TMEM132C: variants seen among roughly 807,000 people sequenced by gnomAD.
TMEM132C encodes transmembrane protein 132C.
Under a neutral mutation model 61.4 loss-of-function variants are expected in TMEM132C, and 29 were observed. The observed-to-expected ratio is 0.47, with a 90% CI of 0.35 to 0.64. TMEM132C has a LOEUF of 0.64. TMEM132C is among the 30% of genes least tolerant of loss of function. TMEM132C has a pLI of 0.00. For synonymous variants in TMEM132C, 656 were observed against 633.1 expected (o/e 1.04, Z -0.54); for missense variants, 1,408 against 1,476.9 (o/e 0.95, Z 0.76).
intron 4 of TMEM132C, among the ~76,000 whole-genome samples, chr12:128,652,665 A>T (rs1219669794): frequency 6.6e-6 from 1 of 152,236 alleles, no homozygotes; most frequent in African/African-American, 2.4e-5. Context: ...GCATGGCCAC[A>T]CTTCCCAGCC....
At chr12:128,508,963 C>T (rs1423470600) in intron 2 of TMEM132C, among the ~76,000 whole-genome samples, 4 of 152,170 alleles carry the variant, frequency 2.6e-5, no homozygotes, top group Non-Finnish European at 5.9e-5. Context: ...AGAGGAAGGC[C>T]CATGACTGTT....
chr12:128,287,484 C>CATATCTATATCT (rs5801788), intron 1 of TMEM132C, among the ~76,000 whole-genome samples: 2,279 of 150,040 alleles, frequency 0.015, 33 homozygotes, highest in East Asian at 0.035. Flanking sequence ...CCTCTGTCTG[C>CATATCTATATCT]ATATCTATAT....
chr12:128,514,991 G>A (rs1043939656), intron 2 of TMEM132C, among the ~76,000 whole-genome samples: 4 of 152,224 alleles, frequency 2.6e-5, no homozygotes, highest in Non-Finnish European at 5.9e-5. Context: ...ACTACTTATG[G>A]TGTCTACAAT....
Position 128,473,625 on chromosome 12 carries a change from T to C in TMEM132C, c.974+58005T>C, listed in dbSNP as rs368964807. Among the ~76,000 whole-genome samples the C allele has an allele frequency of 8.1e-3, 1,000 of 124,114 alleles. 14 individuals carry two copies. The highest frequency in any genetic ancestry group is 0.052 in the South Asian group (203 of 3,906). 81.4% of individuals were successfully genotyped at this position (124,114 alleles called of 152,430 possible). On this transcript the variant is annotated intron_variant, in intron 2 of 8. Transcript: ENST00000435159. ...CTATCTTCATCTTCACTCCAGCCTC[T>C]GTCTTCATCTTCACTCCAGCCTCCA... is the stretch of plus-strand genomic sequence containing the variant.
At chr12:128,701,715 G>T (rs1339292081) in intron 8 of TMEM132C, among the ~76,000 whole-genome samples, 1 of 151,986 alleles carries the variant, frequency 6.6e-6, no homozygotes, top group East Asian at 1.9e-4. Flanking sequence ...TATGCCTGTG[G>T]TTCTATTTGG....
Position 128,464,632 on chromosome 12 carries a change from G to A in TMEM132C, c.974+49012G>A, listed in dbSNP as rs533481890. On this transcript the variant is annotated intron_variant, in intron 2 of 8. Coordinates refer to ENST00000435159, the MANE Select transcript of TMEM132C (RefSeq NM_001136103.3). Reference sequence around the variant, plus strand: ...AGTAAATAATTAGCTAGACATGGTAGCACATGTCTGTGGTCTGAGCTACTC... The same window carrying A: ...AGTAAATAATTAGCTAGACATGGTAACACATGTCTGTGGTCTGAGCTACTC... Among the ~76,000 whole-genome samples the A allele has an allele frequency of 2.0e-5, 3 of 152,254 alleles. No individual in the cohort carries two copies. In the East Asian group the frequency reaches 5.8e-4, roughly 29 times the overall value.
rs1244363099 is a variant in TMEM132C at position 128,705,528 on chromosome 12, C to T, written c.2560C>T (p.Arg854Ter). 6 of 1,550,932 alleles carry T rather than the reference C, an allele frequency of 3.9e-6. No individual in the cohort carries two copies. Among genetic ancestry groups the T allele is most frequent in the Admixed American group, 2.0e-5 (1 of 51,002 alleles). Residue 854 changes from arginine (R) to a stop codon, truncating the protein, a stop_gained, in exon 9 of 9, where the codon CGA becomes TGA. Transcript: ENST00000435159. LOFTEE classifies it low-confidence loss of function (END_TRUNC). ...SPVEREEGAL[R>*]RATTTARSLL... ...CGTGGAGCGTGAGGAAGGGGCTCTC[C>T]GAAGAGCCACTACCACGGCCAGGTC...
chr12:128,347,393 GTA>G (rs1302623726), intron 1 of TMEM132C, among the ~76,000 whole-genome samples: 20 of 116,778 alleles, frequency 1.7e-4, no homozygotes, highest in African/African-American at 6.9e-4. Flanking sequence ...GCATGCATAT[GTA>G]TGTCTCTCTC....
chr12:128,492,026 G>A (rs967735794), intron 2 of TMEM132C, among the ~76,000 whole-genome samples: 1 of 152,010 alleles, frequency 6.6e-6, no homozygotes, highest in Non-Finnish European at 1.5e-5. Context: ...ACAGGCCCCG[G>A]TGTGTGATGT....
rs200184143 is a variant in TMEM132C at position 128,509,519 on chromosome 12, CAAG to C, written c.975-34434_975-34432del. Among the ~76,000 whole-genome samples, 1,146 of 152,304 alleles carry C rather than the reference CAAG, an allele frequency of 7.5e-3. 15 individuals carry two copies. The highest frequency in any genetic ancestry group is 0.026 in the African/African-American group (1,087 of 41,554). On this transcript the variant is annotated intron_variant, in intron 2 of 8. Transcript: ENST00000435159. ...AGGTGAAATCACAGCTGTTGAGTAA[CAAG>C]AAGGAGGCAGTTTTTGCATGACTCA... is the stretch of plus-strand genomic sequence containing the variant.
chr12:128,334,113 C>T (rs1333403469), intron 1 of TMEM132C, among the ~76,000 whole-genome samples: 7 of 152,082 alleles, frequency 4.6e-5, no homozygotes, highest in Non-Finnish European at 1.0e-4. Context: ...CCTCACCCCA[C>T]CTTAACAAAC....
intron 1 of TMEM132C, among the ~76,000 whole-genome samples, chr12:128,370,537 C>T (rs369926812): frequency 5.5e-4 from 84 of 151,464 alleles, no homozygotes; most frequent in African/African-American, 1.1e-3. Flanking sequence ...GAGAGTGGGG[C>T]CTCAGGAAAG....
At chr12:128,388,103 G>A (rs754909146) in intron 1 of TMEM132C, among the ~76,000 whole-genome samples, 1 of 152,212 alleles carries the variant, frequency 6.6e-6, no homozygotes, top group Non-Finnish European at 1.5e-5. Flanking sequence ...CCAAGAGCCC[G>A]AGCCCAGGAA....
chr12:128,451,574 G>T (rs943948203), intron 2 of TMEM132C, among the ~76,000 whole-genome samples: 1 of 152,092 alleles, frequency 6.6e-6, no homozygotes, highest in Non-Finnish European at 1.5e-5. Context: ...TTGTTACTTG[G>T]CAGAAAATAA....
At chr12:128,507,431 C>A (rs1164640607) in intron 2 of TMEM132C, among the ~76,000 whole-genome samples, 1 of 126,792 alleles carries the variant, frequency 7.9e-6, no homozygotes, top group African/African-American at 3.1e-5. Context: ...TAAATAAGAC[C>A]AAGCCATCCC....
chr12:128,363,179 C>G (rs1288119841), intron 1 of TMEM132C, among the ~76,000 whole-genome samples: 1 of 152,190 alleles, frequency 6.6e-6, no homozygotes, highest in East Asian at 1.9e-4. Context: ...AATTTTTTCA[C>G]TCTATTCTAA....
intron 4 of TMEM132C, among the ~76,000 whole-genome samples, chr12:128,652,802 A>G (rs554818415): frequency 6.6e-6 from 1 of 152,386 alleles, no homozygotes; most frequent in South Asian, 2.1e-4. Context: ...AAGGAGATTC[A>G]TAAATCCACG....
intron 2 of TMEM132C, among the ~76,000 whole-genome samples, chr12:128,468,251 G>A (rs1870809533): frequency 6.6e-6 from 1 of 152,170 alleles, no homozygotes; most frequent in Non-Finnish European, 1.5e-5. Context: ...GGGTGTGCAG[G>A]GAGGGCAGGG....
chr12:128,518,013 C>T (rs1235197522), intron 2 of TMEM132C, among the ~76,000 whole-genome samples: 1 of 152,214 alleles, frequency 6.6e-6, no homozygotes, highest in Non-Finnish European at 1.5e-5. Context: ...CAGCAAAGAG[C>T]ATTGAAATTC....
Sources: gnomAD v4.1 joint callset for allele counts (sites outside exome capture counted in the v4.1 genomes callset) on GRCh38, gnomAD v4.1.1 for gene constraint, MANE v1.5 for transcripts, NCBI Gene and HGNC (gene_info 2026-07-23, HGNC 2026-07-21) for gene names.